The following PCDHGA11 variants were observed in gnomAD, a reference collection of about 807,000 sequenced individuals.
PCDHGA11 encodes protocadherin gamma-A11.
A neutral mutation model predicts 60.4 loss-of-function variants in PCDHGA11; 39 were observed. The ratio of observed to expected loss-of-function variants is 0.65; its 90% CI spans 0.50 to 0.84. PCDHGA11 has a LOEUF of 0.84. Among genes scored for constraint, PCDHGA11 ranks in the 40% least tolerant of loss-of-function variants. The probability of loss-of-function intolerance (pLI) is 0.00; values close to 1 mark genes in which losing one functional copy is unlikely to be tolerated. For missense variants in PCDHGA11, 1,165 were observed against 1,197.7 expected, an observed-to-expected ratio of 0.97 and a Z score of 0.40; for synonymous variants, 533 against 510.3, an observed-to-expected ratio of 1.04 and a Z score of -0.60.
At chr5:141,458,064 C>T (rs886724551) in intron 1 of PCDHGA11, among the ~76,000 whole-genome samples, 14 of 152,104 alleles carry the variant, frequency 9.2e-5, no homozygotes, top group East Asian at 3.9e-4. Context: ...TGCACTGATG[C>T]GAACAACTAT....
chr5:141,435,454 T>C (rs1407615505), intron 1 of PCDHGA11, among the ~76,000 whole-genome samples: 1 of 152,220 alleles, frequency 6.6e-6, no homozygotes, highest in Non-Finnish European at 1.5e-5. Flanking sequence ...ACGATATCTG[T>C]ATGTGTTTCC....
In PCDHGA11 at chr5:141,486,092, C is replaced by A; in HGVS notation, c.2434-8715C>A. Reference sequence around the variant, plus strand: ...TACTGGAAAGCTTACTCTTTTGGGGCCCCTAGACTTTGAGAGTGAGAATTA... The same window carrying A: ...TACTGGAAAGCTTACTCTTTTGGGGACCCTAGACTTTGAGAGTGAGAATTA... On this transcript the variant is annotated intron_variant, in intron 1 of 3. Coordinates refer to ENST00000398587, the MANE Select transcript of PCDHGA11 (RefSeq NM_018914.3). The surrounding 1 kb of genome is among the most constrained non-coding windows in gnomAD (Gnocchi z 5.0). 1.9e-6 allele frequency: 3 copies of A among 1,614,148 alleles called. No individual in the cohort carries two copies. Among genetic ancestry groups the A allele is most frequent in the Non-Finnish European group, 2.5e-6 (3 of 1,180,008 alleles).
intron 1 of PCDHGA11, among the ~76,000 whole-genome samples, chr5:141,461,838 T>G (rs1592748714): frequency 6.6e-6 from 1 of 151,980 alleles, no homozygotes; most frequent in African/African-American, 2.4e-5. Context: ...TTCTTTTTTT[T>G]TTGAGACAGA....
chr5:141,492,257 A>G (rs955890030), intron 1 of PCDHGA11, among the ~76,000 whole-genome samples: 1 of 152,126 alleles, frequency 6.6e-6, no homozygotes, highest in Non-Finnish European at 1.5e-5. Flanking sequence ...GGCCCACACA[A>G]GTTGCACGGG....
chr5:141,441,819 G>A (rs1040935030), intron 1 of PCDHGA11: 6 of 359,092 alleles, frequency 1.7e-5, no homozygotes, highest in Non-Finnish European at 3.3e-5. Context: ...CCCCAGCTCT[G>A]GAGCGCAATG....
At chr5:141,456,819 C>A (rs1453433865) in intron 1 of PCDHGA11, among the ~76,000 whole-genome samples, 1 of 151,982 alleles carries the variant, frequency 6.6e-6, no homozygotes, top group Non-Finnish European at 1.5e-5. Flanking sequence ...AAAAAATTAG[C>A]CATCGTGGTA....
Position 141,476,115 on chromosome 5 carries a change from A to G in PCDHGA11, c.2434-18692A>G. 1 of 1,592,814 alleles carries G rather than the reference A, an allele frequency of 6.3e-7. No homozygotes were observed. The highest frequency in any genetic ancestry group is 8.5e-7 in the Non-Finnish European group (1 of 1,171,734). On this transcript the variant is annotated intron_variant, in intron 1 of 3. Coordinates refer to ENST00000398587, the MANE Select transcript of PCDHGA11 (RefSeq NM_018914.3). This position sits in a 1 kb window ranked among gnomAD's most constrained non-coding sequence, Gnocchi z 7.6. ...CGCTGAGAGGAACTGCTTTTGAGTG[A>G]GATGGTCCCAGAGGCCTGGAGGAGC...
intron 1 of PCDHGA11, among the ~76,000 whole-genome samples, chr5:141,425,025 T>C (rs1416166875): frequency 1.3e-5 from 2 of 152,236 alleles, no homozygotes; most frequent in Non-Finnish European, 2.9e-5. Flanking sequence ...ATTTACCTTA[T>C]GTCATTAGTT....
rs2099883850 is a variant in PCDHGA11, at chr5:141,511,565, A to T, written c.*392A>T. The T allele has an allele frequency of 3.4e-6, 1 of 295,974 alleles. No homozygotes were observed. Among genetic ancestry groups the T allele is most frequent in the African/African-American group, 2.2e-5 (1 of 46,502 alleles). The allele number at this position is 295,974 out of a possible 1,614,324, so 18.3% of individuals were successfully genotyped here. The stretch of plus-strand genomic sequence containing the variant: ...CCACTCCAACAGTTCCTCTTTCCCG[A>T]GTAAGGTGGTTGGGGTGTTGAAGTA... On this transcript the variant is annotated 3_prime_UTR_variant, in exon 4 of 4. Coordinates refer to ENST00000398587, the MANE Select transcript of PCDHGA11 (RefSeq NM_018914.3).
chr5:141,482,103 A>C (rs34394498), intron 1 of PCDHGA11, among the ~76,000 whole-genome samples: 2 of 142,250 alleles, frequency 1.4e-5, no homozygotes, highest in Non-Finnish European at 3.0e-5. Flanking sequence ...AAAAAAAAAA[A>C]AATATCTAGA....
Position 141,431,420 on chromosome 5 carries a change from G to C in PCDHGA11, c.2433+7760G>C, listed in dbSNP as rs780266425. The C allele has an allele frequency of 8.1e-6, 13 of 1,613,592 alleles. No individual in the cohort carries two copies. Among genetic ancestry groups the C allele is most frequent in the East Asian group, 2.2e-5 (1 of 44,902 alleles). ...TACGGCCTCCGACGGGGGCGACCCG[G>C]TGCGCACAGGCACCGCGCGCATCCG... is the stretch of plus-strand genomic sequence containing the variant. On this transcript the variant is annotated intron_variant, in intron 1 of 3. Transcript: ENST00000398587. This position sits in a 1 kb window ranked among gnomAD's most constrained non-coding sequence, Gnocchi z 4.8.
chr5:141,495,469 C>G (rs1398171981), intron 2 of PCDHGA11, among the ~76,000 whole-genome samples: 1 of 152,220 alleles, frequency 6.6e-6, no homozygotes, highest in Non-Finnish European at 1.5e-5. Flanking sequence ...TGTGGGGTCT[C>G]CGTGTCTCTG....
intron 1 of PCDHGA11, among the ~76,000 whole-genome samples, chr5:141,456,985 A>C (rs2098902590): frequency 6.6e-6 from 1 of 152,204 alleles, no homozygotes; most frequent in Non-Finnish European, 1.5e-5. Context: ...ACAAACAAAC[A>C]AACAAAAACT....
intron 1 of PCDHGA11, among the ~76,000 whole-genome samples, chr5:141,462,993 T>A (rs1350208420): frequency 1.3e-5 from 2 of 152,164 alleles, no homozygotes; most frequent in African/African-American, 4.8e-5. Flanking sequence ...TTGGGCTAAT[T>A]TAGACCTACC....
Position 141,422,280 on chromosome 5 carries a change from C to A in PCDHGA11, c.1053C>A (p.Thr351=). 1 of 1,557,754 alleles carries A rather than the reference C, an allele frequency of 6.4e-7. No homozygotes were observed. Among genetic ancestry groups the A allele is most frequent in the Non-Finnish European group, 8.6e-7 (1 of 1,158,520 alleles). Residue 351 remains threonine, a synonymous_variant, in exon 1 of 4, where the codon ACC becomes ACA. Coordinates refer to ENST00000398587, the MANE Select transcript of PCDHGA11 (RefSeq NM_018914.3). Reference sequence around the variant, plus strand: ...ATAACGCTCCAGAAATAACTATCACCTCTTCTATTAATTCAATTCTGGAAA... The same window carrying A: ...ATAACGCTCCAGAAATAACTATCACATCTTCTATTAATTCAATTCTGGAAA... ...VNDNAPEITI[T]SSINSILENS... is the part of the protein sequence containing the mutation.
chr5:141,426,094 G>C (rs2096914562), intron 1 of PCDHGA11, among the ~76,000 whole-genome samples: 1 of 152,350 alleles, frequency 6.6e-6, no homozygotes, highest in African/African-American at 2.4e-5. Flanking sequence ...ACGATATTCT[G>C]TTCAGTCACA....
chr5:141,431,976 C>T lies in PCDHGA11; in HGVS notation c.2433+8316C>T, dbSNP rs2097433306. ...TACGGAAATTACTATAGTTTAGTCACAGACATAGTCTTGGATAGGGAACAG... is the reference window on the plus strand; with the variant it reads ...TACGGAAATTACTATAGTTTAGTCATAGACATAGTCTTGGATAGGGAACAG... On this transcript the variant is annotated intron_variant, in intron 1 of 3. Transcript: ENST00000398587. This position sits in a 1 kb window ranked among gnomAD's most constrained non-coding sequence, Gnocchi z 4.8. 6.2e-7 allele frequency: 1 copy of T among 1,614,078 alleles called. No individual in the cohort carries two copies. The highest frequency in any genetic ancestry group is 1.3e-5 in the African/African-American group (1 of 74,934).
At chr5:141,508,642 T>A (rs893357826) in intron 3 of PCDHGA11, among the ~76,000 whole-genome samples, 13 of 152,070 alleles carry the variant, frequency 8.5e-5, no homozygotes, top group Admixed American at 2.6e-4. Flanking sequence ...AGCTACTCCG[T>A]CAGGCCCTTC....
rs370932300 is a variant in PCDHGA11, at chr5:141,459,955, G to A, written c.2434-34852G>A. Among the ~76,000 whole-genome samples, 15 of 152,316 alleles carry A rather than the reference G, an allele frequency of 9.8e-5. No homozygotes were observed. The East Asian group carries it at 2.3e-3, about 24-fold the overall frequency. The stretch of plus-strand genomic sequence containing the variant: ...TAGCTGGGCGTGATGGCAGGTGCCT[G>A]TAATCCCAGCTACTCAGGAGGCTGA... On this transcript the variant is annotated intron_variant, in intron 1 of 3. Coordinates refer to ENST00000398587, the MANE Select transcript of PCDHGA11 (RefSeq NM_018914.3).
Sources: allele counts gnomAD v4.1 joint callset (sites outside exome capture counted in the v4.1 genomes callset), GRCh38; gene constraint gnomAD v4.1.1; non-coding constraint Gnocchi (gnomAD v3.1); transcripts MANE v1.5; gene names NCBI Gene and HGNC (gene_info 2026-07-23, HGNC 2026-07-21).